Variants in WARS2 observed in about 807,000 individuals in gnomAD.
WARS2 encodes the protein tryptophanyl tRNA synthetase 2, mitochondrial.
WARS2 carries 28 observed loss-of-function variants against 36.5 expected under a neutral mutation model. That is an observed-to-expected ratio of 0.77 (90% CI 0.57 to 1.05). The LOEUF (loss-of-function observed/expected upper bound fraction) is 1.05, where lower values mean the gene tolerates loss of function less well. WARS2 is among the 50% of genes least tolerant of loss of function. The pLI, the probability that WARS2 is intolerant of heterozygous loss-of-function variation, is 0.00. For synonymous variants in WARS2, 174 were observed against 178.4 expected (o/e 0.98, Z 0.20); for missense variants, 435 against 456.8 (o/e 0.95, Z 0.44).
intron 3 of WARS2, 66 bp downstream of exon 3, chr1:119,045,516 C>T (rs1648719558): frequency 1.3e-5 from 18 of 1,416,668 alleles, no homozygotes; most frequent in Non-Finnish European, 1.6e-5. Flanking sequence ...CTCAGGATTC[C>T]CAGAGCCTAA....
At chr1:119,099,458 CT>C (rs1653702142) in intron 1 of WARS2, among the ~76,000 whole-genome samples, 2 of 152,210 alleles carry the variant, frequency 1.3e-5, no homozygotes, top group Admixed American at 6.5e-5. Context: ...AGTTCCTTTT[CT>C]GCTCACCTGC....
rs534443253 is a variant in WARS2 at position 119,032,718 on chromosome 1, C to A, written c.*193G>T. On this transcript the variant is annotated 3_prime_UTR_variant, in exon 6 of 6. Coordinates refer to ENST00000235521, the MANE Select transcript of WARS2 (RefSeq NM_015836.4). ...TATTTTTTGTTGTTGTTGTTCACAG[C>A]ATTTTGTTGATGGGATTTGGAACAC... The A allele has an allele frequency of 1.8e-5, 11 of 598,510 alleles. No individual in the cohort carries two copies. The South Asian group carries it at 2.3e-4, about 13-fold the overall frequency. 37.1% of individuals were successfully genotyped at this position (598,510 alleles called of 1,614,324 possible).
intron 2 of WARS2, chr1:119,063,685 C>T (rs1354585173): frequency 1.3e-5 from 2 of 152,264 alleles, no homozygotes; most frequent in African/African-American, 2.4e-5. Flanking sequence ...CGGGCAGTGG[C>T]TTTAGAGGGT....
chr1:119,118,278 C>G (rs1204096904), intron 1 of WARS2, among the ~76,000 whole-genome samples: 1 of 151,732 alleles, frequency 6.6e-6, no homozygotes, highest in Non-Finnish European at 1.5e-5. Context: ...TAGAGAAAAG[C>G]AAAACACACT....
At chr1:119,104,159 T>C (rs1343334587) in intron 1 of WARS2, among the ~76,000 whole-genome samples, 2 of 151,168 alleles carry the variant, frequency 1.3e-5, no homozygotes, top group East Asian at 3.9e-4. Flanking sequence ...TTCCATATAT[T>C]ACTCTGCTTT....
intron 1 of WARS2, among the ~76,000 whole-genome samples, chr1:119,076,861 C>T (rs1250904312): frequency 2.0e-5 from 3 of 152,024 alleles, no homozygotes; most frequent in East Asian, 3.9e-4. Context: ...GATCTGCAGC[C>T]GGGCGTGGTG....
intron 1 of WARS2, chr1:119,085,283 C>T: frequency 9.7e-7 from 1 of 1,033,354 alleles, no homozygotes; most frequent in African/African-American, 1.6e-5. Context: ...AGTAGGCAGT[C>T]CTGGCCTTGG....
intron 1 of WARS2, among the ~76,000 whole-genome samples, chr1:119,076,903 G>T (rs1651785044): frequency 6.6e-6 from 1 of 152,036 alleles, no homozygotes; most frequent in Non-Finnish European, 1.5e-5. Context: ...ACTTTGGGAG[G>T]CTGAAGAGGG....
In WARS2 at chr1:119,042,366, G is replaced by C. The variant is rs143494742; in HGVS notation, c.430-17C>G. ...AGTCTTTGCCTGTGAGAGGTGAAAA[G>C]AGAGGAGGGGAAGAAATCTGAAATC... On this transcript the variant is annotated splice_polypyrimidine_tract_variant and intron_variant, in intron 3 of 5. Transcript: ENST00000235521. 8.4e-5 allele frequency: 135 copies of C among 1,611,558 alleles called. No homozygotes were observed. The East Asian group carries it at 2.2e-3, about 26-fold the overall frequency.
At chr1:119,058,070 C>T (rs1299068344) in intron 2 of WARS2, among the ~76,000 whole-genome samples, 1 of 152,080 alleles carries the variant, frequency 6.6e-6, no homozygotes, top group Non-Finnish European at 1.5e-5. Flanking sequence ...TATTTTCTTT[C>T]AGAAGTTTCA....
intron 1 of WARS2, among the ~76,000 whole-genome samples, chr1:119,100,336 C>T (rs1653765583): frequency 6.6e-6 from 1 of 152,112 alleles, no homozygotes; most frequent in South Asian, 2.1e-4. Flanking sequence ...TTATACCCTG[C>T]TGGTGGGAAT....
At chr1:119,079,215 T>C (rs1374487348) in intron 1 of WARS2, among the ~76,000 whole-genome samples, 2 of 152,182 alleles carry the variant, frequency 1.3e-5, no homozygotes, top group Non-Finnish European at 2.9e-5. Flanking sequence ...GGTAAGGGTC[T>C]GGTCTTTCAA....
chr1:119,129,263 G>A (rs1571402593), intron 1 of WARS2, among the ~76,000 whole-genome samples: 3 of 152,194 alleles, frequency 2.0e-5, no homozygotes, highest in African/African-American at 2.4e-5. Context: ...CTCACCAGAC[G>A]TGGATGTGTC....
At chr1:119,122,905 T>C (rs1231528111) in intron 1 of WARS2, among the ~76,000 whole-genome samples, 2 of 151,476 alleles carry the variant, frequency 1.3e-5, no homozygotes, top group Admixed American at 6.6e-5. Flanking sequence ...AGGCGGGTGA[T>C]GGAGAAAAAA....
intron 1 of WARS2, chr1:119,085,053 G>A: frequency 1.4e-6 from 1 of 703,376 alleles, no homozygotes; most frequent in Non-Finnish European, 2.6e-6. Context: ...GCAGCGCTGG[G>A]TCCTTTTATG....
chr1:119,044,865 C>T (rs1648660657), intron 3 of WARS2, among the ~76,000 whole-genome samples: 6 of 152,110 alleles, frequency 3.9e-5, no homozygotes, highest in Admixed American at 3.9e-4. Flanking sequence ...ACATTCAGAC[C>T]ATATCATTTA....
chr1:119,065,926 ATT>A (rs1650806301), intron 2 of WARS2, among the ~76,000 whole-genome samples: 1 of 152,192 alleles, frequency 6.6e-6, no homozygotes, highest in Non-Finnish European at 1.5e-5. Flanking sequence ...AACCAATGTG[ATT>A]TTTAAAAATA....
intron 2 of WARS2, among the ~76,000 whole-genome samples, chr1:119,056,440 G>A (rs147470697): frequency 4.0e-5 from 6 of 149,622 alleles, no homozygotes; most frequent in African/African-American, 7.3e-5. Context: ...AACATCCTAC[G>A]AGCCTATTCA....
At chr1:119,068,305 G>A (rs1651032942) in intron 2 of WARS2, among the ~76,000 whole-genome samples, 1 of 152,182 alleles carries the variant, frequency 6.6e-6, no homozygotes, top group Non-Finnish European at 1.5e-5. Flanking sequence ...TTATACCTCT[G>A]AGACAAGGGA....
Sources: allele counts gnomAD v4.1 joint callset (sites outside exome capture counted in the v4.1 genomes callset), GRCh38; gene constraint gnomAD v4.1.1; transcripts MANE v1.5; gene names NCBI Gene and HGNC (gene_info 2026-07-23, HGNC 2026-07-21).